Variants in NPAS3 observed in about 807,000 individuals in gnomAD.
The protein encoded by NPAS3 is neuronal PAS domain-containing protein 3.
In NPAS3, 14 loss-of-function variants were observed where a neutral mutation model predicts 73.1. The observed-to-expected ratio is 0.19, with a 90% CI of 0.13 to 0.30. The LOEUF (loss-of-function observed/expected upper bound fraction) is 0.30. NPAS3 is among the 10% of genes least tolerant of loss of function. NPAS3 has a pLI of 1.00. For missense variants in NPAS3, 1,096 were observed against 1,250.0 expected, an observed-to-expected ratio of 0.88 and a Z score of 1.86; for synonymous variants, 620 against 541.5, an observed-to-expected ratio of 1.14 and a Z score of -2.01.
intron 6 of NPAS3, among the ~76,000 whole-genome samples, chr14:33,726,707 C>G (rs1321652305): frequency 6.6e-6 from 1 of 152,122 alleles, no homozygotes; most frequent in East Asian, 1.9e-4. Flanking sequence ...GGTCCCAGAC[C>G]ACTAGTTACT....
chr14:33,376,958 T>C (rs1054732040), intron 4 of NPAS3, among the ~76,000 whole-genome samples: 1 of 152,214 alleles, frequency 6.6e-6, no homozygotes, highest in Non-Finnish European at 1.5e-5. Flanking sequence ...TCCAGAATAA[T>C]GTGCGAGTTT....
In NPAS3 at chr14:33,133,561, A is replaced by G. The variant is rs2043720896; in HGVS notation, c.140+77567A>G. On this transcript the variant is annotated intron_variant, in intron 2 of 11. Transcript: ENST00000356141. ...AATGTGTAAGTGCCAGTCAATGACT[A>G]ATAATAAAATAATTAACAGTCACTG... Among the ~76,000 whole-genome samples, 3 of 152,208 alleles carry G rather than the reference A, an allele frequency of 2.0e-5. No individual in the cohort carries two copies. The South Asian group carries it at 6.2e-4, about 31-fold the overall frequency.
chr14:33,454,294 A>G (rs2049930787), intron 4 of NPAS3, among the ~76,000 whole-genome samples: 2 of 152,380 alleles, frequency 1.3e-5, no homozygotes, highest in East Asian at 1.9e-4. Context: ...TAAAAGATAG[A>G]AAATGTGGAA....
chr14:33,235,303 A>G (rs1485405649), intron 3 of NPAS3, among the ~76,000 whole-genome samples: 1 of 152,100 alleles, frequency 6.6e-6, no homozygotes, highest in Non-Finnish European at 1.5e-5. Flanking sequence ...AAGCGATAGT[A>G]TAAATGAGGA....
intron 1 of NPAS3, among the ~76,000 whole-genome samples, chr14:33,029,476 C>G (rs2039918960): frequency 6.6e-6 from 1 of 151,964 alleles, no homozygotes; most frequent in South Asian, 2.1e-4. Flanking sequence ...AAAAATCAGC[C>G]CAGTATTTCC....
intron 3 of NPAS3, among the ~76,000 whole-genome samples, chr14:33,249,022 A>G (rs998700547): frequency 6.6e-6 from 1 of 152,194 alleles, no homozygotes; most frequent in South Asian, 2.1e-4. Flanking sequence ...AACATATACC[A>G]TGGAAGTAAA....
At chr14:33,286,678 A>T (rs560049519) in intron 3 of NPAS3, among the ~76,000 whole-genome samples, 15 of 151,606 alleles carry the variant, frequency 9.9e-5, no homozygotes, top group East Asian at 5.8e-4. Context: ...TTTTTTTTTT[A>T]AATCAAAAGT....
At chr14:32,973,214 T>G (rs1044399672) in intron 1 of NPAS3, among the ~76,000 whole-genome samples, 3 of 152,178 alleles carry the variant, frequency 2.0e-5, no homozygotes, top group Non-Finnish European at 4.4e-5. Context: ...ATTCATCTGT[T>G]TGGAGATTTT....
At chr14:33,186,112 A>C (rs2045965859) in intron 2 of NPAS3, among the ~76,000 whole-genome samples, 1 of 152,160 alleles carries the variant, frequency 6.6e-6, no homozygotes, top group African/African-American at 2.4e-5. Context: ...CCCCACCCAC[A>C]AGTCACTCTT....
At chr14:33,407,785 T>C (rs530512395) in intron 4 of NPAS3, among the ~76,000 whole-genome samples, 1 of 152,270 alleles carries the variant, frequency 6.6e-6, no homozygotes, top group South Asian at 2.1e-4. Flanking sequence ...GGGTGGTCTT[T>C]CTCTGCCTAT....
chr14:33,498,562 A>G (rs2052330633), intron 4 of NPAS3, among the ~76,000 whole-genome samples: 1 of 152,054 alleles, frequency 6.6e-6, no homozygotes, highest in African/African-American at 2.4e-5. Context: ...GAAGCTGGAA[A>G]CCATCACTCT....
intron 5 of NPAS3, among the ~76,000 whole-genome samples, chr14:33,628,378 T>C (rs566559143): frequency 1.2e-4 from 19 of 152,192 alleles, no homozygotes; most frequent in Non-Finnish European, 2.6e-4. Flanking sequence ...GTGAAGAAAA[T>C]GTAAAGTCAA....
At chr14:33,794,549 C>T (rs7148934) in intron 10 of NPAS3, among the ~76,000 whole-genome samples, 85,606 of 151,566 alleles carry the variant, frequency 0.56, 24,595 homozygotes, top group African/African-American at 0.65. Context: ...ATTAAAGTTT[C>T]GGTAAACAAA....
chr14:32,960,863 C>T (rs2036882089), intron 1 of NPAS3, among the ~76,000 whole-genome samples: 1 of 152,164 alleles, frequency 6.6e-6, no homozygotes, highest in Admixed American at 6.5e-5. Flanking sequence ...ACCCTGACAG[C>T]AGCGTTTTGT....
intron 4 of NPAS3, among the ~76,000 whole-genome samples, chr14:33,404,397 C>T (rs2047574765): frequency 6.6e-6 from 1 of 152,034 alleles, no homozygotes; most frequent in African/African-American, 2.4e-5. Flanking sequence ...CTAAGATTTC[C>T]CTGATATAGT....
At chr14:33,215,364 A>C (rs776658678) in exon 3 of NPAS3, 1 of 1,613,230 alleles carries the variant, frequency 6.2e-7, no homozygotes, top group Non-Finnish European at 8.5e-7. Context: ...GACTTTGCTA[A>C]CCAGGGGGAC....
intron 3 of NPAS3, among the ~76,000 whole-genome samples, chr14:33,237,392 T>C (rs2048070534): frequency 6.6e-6 from 1 of 152,154 alleles, no homozygotes; most frequent in African/African-American, 2.4e-5. Context: ...CAACACATTC[T>C]TGACTGAATA....
At chr14:33,252,074 TG>T (rs2048607489) in intron 3 of NPAS3, among the ~76,000 whole-genome samples, 1 of 151,384 alleles carries the variant, frequency 6.6e-6, no homozygotes, top group Non-Finnish European at 1.5e-5. Flanking sequence ...TGTGTGTGTG[TG>T]TGTGTGTGTG....
At position 33,440,619 on chromosome 14, in the gene NPAS3, G is replaced by A. The variant is rs530636595; in HGVS notation, c.468+73351G>A. ...GAAATATAGAAAGTCTTGGCCAGGC[G>A]TGGTGGCTCACGCCTGTAATCCCAG... On this transcript the variant is annotated intron_variant, in intron 4 of 11. Coordinates refer to ENST00000356141, the Ensembl canonical transcript of NPAS3. 1.2e-4 allele frequency among the ~76,000 whole-genome samples: 18 copies of A among 152,280 alleles called. No homozygotes were observed. In the South Asian group the frequency reaches 1.2e-3, roughly 11 times the overall value.
Sources: allele counts gnomAD v4.1 joint callset (sites outside exome capture counted in the v4.1 genomes callset), GRCh38; gene constraint gnomAD v4.1.1; transcripts MANE v1.5; gene names NCBI Gene and HGNC (gene_info 2026-07-23, HGNC 2026-07-21).